Variants in POLA2 observed in about 807,000 individuals in gnomAD.
The protein encoded by POLA2 is DNA polymerase alpha 2, accessory subunit.
A neutral mutation model predicts 82.8 loss-of-function variants in POLA2; 47 were observed. That is an observed-to-expected ratio of 0.57 (90% CI 0.45 to 0.72). The LOEUF is 0.72. POLA2 is among the 30% of genes least tolerant of loss of function. POLA2 has a pLI of 0.00. For missense variants in POLA2, 634 were observed against 728.1 expected (o/e 0.87, Z 1.49); for synonymous variants, 287 against 286.8 (o/e 1.00, Z -0.01).
chr11:65,301,884 G>A (rs1949860984), downstream of POLA2, among the ~76,000 whole-genome samples: 1 of 152,184 alleles, frequency 6.6e-6, no homozygotes, highest in Non-Finnish European at 1.5e-5. Context: ...CATGCCTACT[G>A]CTGCTTTCGT....
rs1252467012 is a variant in POLA2, at chr11:65,295,922, G to A, written c.1579G>A (p.Val527Ile). 6.2e-7 allele frequency: 1 copy of A among 1,614,066 alleles called. No individual in the cohort carries two copies. Among genetic ancestry groups the A allele is most frequent in the Non-Finnish European group, 8.5e-7 (1 of 1,179,908 alleles). ...DMAIDYESFY[V>I]YAQLPVTPDV... ...GGCCATTGACTATGAGTCGTTCTAT[G>A]TTTACGCACAGCTGCCTGTCACCCC... Residue 527 changes from valine to isoleucine, a missense_variant, in exon 17 of 18, where the codon GTT (valine) becomes ATT (isoleucine). Physicochemically the swap from Val to Ile is conservative, Grantham distance 29 (BLOSUM62 3). Coordinates refer to ENST00000265465, the MANE Select transcript of POLA2 (RefSeq NM_002689.4).
intron 17 of POLA2, chr11:65,296,435 C>T (rs1443440743): frequency 5.8e-6 from 1 of 173,258 alleles, no homozygotes; most frequent in African/African-American, 2.4e-5. Flanking sequence ...GAGTTAGGTC[C>T]CTTACAAGGA....
chr11:65,300,975 A>C (rs986734491), downstream of POLA2, among the ~76,000 whole-genome samples: 1 of 152,114 alleles, frequency 6.6e-6, no homozygotes, highest in Non-Finnish European at 1.5e-5. Flanking sequence ...CTAAGATCCC[A>C]CTGTATGGCT....
downstream of POLA2, among the ~76,000 whole-genome samples, chr11:65,303,549 G>C (rs1949869646): frequency 6.6e-6 from 1 of 152,044 alleles, no homozygotes; most frequent in African/African-American, 2.4e-5. Context: ...AGAGTGGTGG[G>C]AATAGACATA....
At chr11:65,284,756 A>G (rs936339150) in intron 10 of POLA2, among the ~76,000 whole-genome samples, 2 of 151,766 alleles carry the variant, frequency 1.3e-5, no homozygotes, top group African/African-American at 2.4e-5. Flanking sequence ...CAAACTCCCA[A>G]CCTCAGGTGA....
chr11:65,300,209 T>C (rs1429858336), downstream of POLA2, among the ~76,000 whole-genome samples: 3 of 152,006 alleles, frequency 2.0e-5, no homozygotes, highest in Admixed American at 6.6e-5. Context: ...TCCTCTTTTT[T>C]TTTGAGACAG....
At chr11:65,273,961 C>T (rs1443670670) in intron 4 of POLA2, among the ~76,000 whole-genome samples, 2 of 152,130 alleles carry the variant, frequency 1.3e-5, no homozygotes, top group African/African-American at 4.8e-5. Context: ...TCACTTTTCA[C>T]CTGAGACTCA....
chr11:65,300,260 A>G (rs1949852448), downstream of POLA2, among the ~76,000 whole-genome samples: 1 of 152,026 alleles, frequency 6.6e-6, no homozygotes, highest in Non-Finnish European at 1.5e-5. Flanking sequence ...CAGTAGCGCA[A>G]TCTCGGCTCA....
At chr11:65,287,927 C>T in intron 11 of POLA2, 87 bp downstream of exon 11, 4 of 1,255,058 alleles carry the variant, frequency 3.2e-6, no homozygotes, top group Non-Finnish European at 4.5e-6. Context: ...CATGTCAGTC[C>T]CTCCTCCTTT....
At chr11:65,280,539 G>T (rs941997585) in intron 7 of POLA2, 1 of 153,930 alleles carries the variant, frequency 6.5e-6, no homozygotes, top group African/African-American at 2.4e-5. Context: ...ATATCCACCC[G>T]ATGGTTGTTG....
At chr11:65,281,291 C>A in intron 8 of POLA2, 144 bp downstream of exon 8, 1 of 878,402 alleles carries the variant, frequency 1.1e-6, no homozygotes, top group Non-Finnish European at 1.8e-6. Context: ...GCAGACACCA[C>A]TGTTGGGATT....
chr11:65,286,893 C>T lies in POLA2; in HGVS notation c.1007-823C>T, dbSNP rs150867237. 1.7e-3 allele frequency among the ~76,000 whole-genome samples: 265 copies of T among 152,216 alleles called. 3 individuals are homozygous for T. The highest frequency in any genetic ancestry group is 5.8e-3 in the African/African-American group (240 of 41,542). On this transcript the variant is annotated intron_variant, in intron 10 of 17. Coordinates refer to ENST00000265465, the MANE Select transcript of POLA2 (RefSeq NM_002689.4). ...ACAGACTGGACACGTGGCTAGAAAC[C>T]GAGGCTTGGAACCAAGATGAGAGCC... is the stretch of plus-strand genomic sequence containing the variant.
chr11:65,263,299 A>G (rs2137478967), intron 1 of POLA2, among the ~76,000 whole-genome samples: 1 of 138,738 alleles, frequency 7.2e-6, no homozygotes, highest in East Asian at 2.1e-4. Context: ...GGCTCACTTC[A>G]GCCTCCGCCT....
chr11:65,263,687 C>T (rs1474639140), intron 1 of POLA2, among the ~76,000 whole-genome samples: 1 of 151,602 alleles, frequency 6.6e-6, no homozygotes, highest in Admixed American at 6.6e-5. Flanking sequence ...ATTAGTCGGG[C>T]GTGGTGGCGC....
At position 65,294,758 on chromosome 11, in the gene POLA2, G is replaced by A. The variant is rs953623326; in HGVS notation, c.1460+106G>A. On this transcript the variant is annotated intron_variant, in intron 15 of 17. Transcript: ENST00000265465. ...GCTGCTTAACGGTCTTGACCAGAGAGAGCTGAAAGCAGCAAGCTGTGCCAG... is the reference window on the plus strand; with the variant it reads ...GCTGCTTAACGGTCTTGACCAGAGAAAGCTGAAAGCAGCAAGCTGTGCCAG... The A allele has an allele frequency of 2.1e-5, 16 of 756,628 alleles. No individual in the cohort carries two copies. In the East Asian group the frequency reaches 3.8e-4, roughly 18 times the overall value. The allele number at this position is 756,628 out of a possible 1,614,324, so 46.9% of individuals were successfully genotyped here.
rs2137501211 is a variant in POLA2, at chr11:65,268,720, A to G, written c.345A>G (p.Thr115=). ...EEEILLNSYT[T]PSKGSQKRAI... ...AAATCCTCTTGAACTCTTACACCAC[A>G]CCTTCAAAGGTAAGTAAACAGTGTT... Residue 115 remains threonine (T), a synonymous_variant, in exon 4 of 18, where the codon ACA becomes ACG. Transcript: ENST00000265465. The G allele has an allele frequency of 6.3e-7, 1 of 1,584,786 alleles. No homozygotes were observed.
rs149521848 is a variant in POLA2 at position 65,275,952 on chromosome 11, A to G, written c.415A>G (p.Thr139Ala). The change falls in exon 5 of 18, where the codon ACT (threonine) becomes GCT (alanine). Residue 139 changes from threonine (T) to alanine (A), a missense_variant. Coordinates refer to ENST00000265465, the MANE Select transcript of POLA2 (RefSeq NM_002689.4). ...CCCCCTAACAAAAAGGAGTGTGTCA[A>G]CTCGTAGCCCCCATCAGCTACTCTC... ...ETPLTKRSVS[T>A]RSPHQLLSPS... 2.5e-5 allele frequency: 41 copies of G among 1,608,610 alleles called. No individual in the cohort carries two copies. The Middle Eastern group carries it at 6.6e-4, about 26-fold the overall frequency.
chr11:65,262,718 C>G (rs592050), intron 1 of POLA2, among the ~76,000 whole-genome samples: 33,937 of 152,078 alleles, frequency 0.22, 5,159 homozygotes, highest in African/African-American at 0.43. Flanking sequence ...AACAAAGCAA[C>G]AGATGTGGGG....
chr11:65,282,653 A>T lies in POLA2; in HGVS notation c.1006+132A>T, dbSNP rs1949653569. 9.2e-6 allele frequency: 7 copies of T among 762,192 alleles called. No homozygotes were observed. In the East Asian group the frequency reaches 1.5e-4, roughly 16 times the overall value. The allele number at this position is 762,192 out of a possible 1,614,324, so 47.2% of individuals were successfully genotyped here. On this transcript the variant is annotated intron_variant, in intron 10 of 17. Coordinates refer to ENST00000265465, the MANE Select transcript of POLA2 (RefSeq NM_002689.4). ...AATGTGACCAAGCAGTGAGGGCGCCACCATCATGAGTTCGTAGGTTTTTTG... is the reference window on the plus strand; with the variant it reads ...AATGTGACCAAGCAGTGAGGGCGCCTCCATCATGAGTTCGTAGGTTTTTTG...
Sources: allele counts gnomAD v4.1 joint callset (sites outside exome capture counted in the v4.1 genomes callset), GRCh38; gene constraint gnomAD v4.1.1; transcripts MANE v1.5; gene names NCBI Gene and HGNC (gene_info 2026-07-23, HGNC 2026-07-21).